The following SHB variants were observed in gnomAD, a reference collection of about 807,000 sequenced individuals.
SHB encodes SH2 domain-containing adapter protein B.
A neutral mutation model predicts 52.3 loss-of-function variants in SHB; 20 were observed. The observed-to-expected ratio is 0.38, with a 90% CI of 0.27 to 0.56. The LOEUF (loss-of-function observed/expected upper bound fraction) is 0.56, where lower values mean the gene tolerates loss of function less well. Among genes scored for constraint, SHB ranks in the 20% least tolerant of loss-of-function variants. The pLI is 0.71. For synonymous variants in SHB, 397 were observed against 316.5 expected, an observed-to-expected ratio of 1.25 and a Z score of -2.70; for missense variants, 825 against 723.3, an observed-to-expected ratio of 1.14 and a Z score of -1.61.
At chr9:37,969,839 A>G (rs554029915) in intron 3 of SHB, among the ~76,000 whole-genome samples, 3 of 152,210 alleles carry the variant, frequency 2.0e-5, no homozygotes, top group Non-Finnish European at 4.4e-5. Context: ...CCTTCCCAAC[A>G]TTGGGCAGGG....
intron 5 of SHB, 90 bp from the exon 6 acceptor site, chr9:37,920,094 T>C (rs1587189422): frequency 9.5e-7 from 1 of 1,052,460 alleles, no homozygotes. Flanking sequence ...ACAGAAGGGA[T>C]CCCAGCCATG....
At chr9:38,026,391 AC>A (rs1489160657) in intron 1 of SHB, among the ~76,000 whole-genome samples, 4 of 152,222 alleles carry the variant, frequency 2.6e-5, no homozygotes, top group African/African-American at 7.2e-5. Context: ...AGGCGCGGGA[AC>A]CCGCACTAAG....
At chr9:37,948,469 T>C (rs1292274580) in intron 5 of SHB, among the ~76,000 whole-genome samples, 166 bp downstream of exon 5, 2 of 152,186 alleles carry the variant, frequency 1.3e-5, no homozygotes, top group African/African-American at 4.8e-5. Context: ...AAAACTCCTC[T>C]GTATCCCAGG....
At chr9:38,044,364 C>T (rs538447495) in intron 1 of SHB, among the ~76,000 whole-genome samples, 2 of 152,298 alleles carry the variant, frequency 1.3e-5, no homozygotes, top group South Asian at 4.1e-4. Flanking sequence ...AGAAAAGTCT[C>T]TTTCTAATCT....
Position 37,972,958 on chromosome 9 carries a change from G to C in SHB, c.1054+1664C>G, listed in dbSNP as rs544198694. Among the ~76,000 whole-genome samples, 10 of 152,290 alleles carry C rather than the reference G, an allele frequency of 6.6e-5. No homozygotes were observed. The South Asian group carries it at 2.1e-3, about 32-fold the overall frequency. The stretch of plus-strand genomic sequence containing the variant: ...AGTTTCCCTTTATGATTGTCAGTGT[G>C]GTAGGAATTAAATGTCACTCACTGT... On this transcript the variant is annotated intron_variant, in intron 3 of 5. Coordinates refer to ENST00000377707, the MANE Select transcript of SHB (RefSeq NM_003028.3).
intron 2 of SHB, among the ~76,000 whole-genome samples, chr9:37,981,732 A>G (rs1271389586): frequency 6.6e-6 from 1 of 152,200 alleles, no homozygotes; most frequent in African/African-American, 2.4e-5. Context: ...TTGAACATGT[A>G]GAGGCCATTG....
chr9:38,051,882 C>T (rs941336979), intron 1 of SHB, among the ~76,000 whole-genome samples: 6 of 152,146 alleles, frequency 3.9e-5, no homozygotes, highest in Non-Finnish European at 8.8e-5. Context: ...TTCATCGTGG[C>T]TAACATTTCT....
chr9:37,969,830 C>G (rs1820571249), intron 3 of SHB, among the ~76,000 whole-genome samples: 1 of 152,258 alleles, frequency 6.6e-6, no homozygotes, highest in Non-Finnish European at 1.5e-5. Flanking sequence ...TCCTTGTCCC[C>G]TTCCCAACAT....
chr9:38,066,125 T>C (rs1007544123), intron 1 of SHB, among the ~76,000 whole-genome samples: 1 of 152,192 alleles, frequency 6.6e-6, no homozygotes, highest in Admixed American at 6.5e-5. Flanking sequence ...CCGTAAGAAA[T>C]ATCTGGTGAT....
chr9:38,022,646 G>A (rs1049538307), intron 1 of SHB, among the ~76,000 whole-genome samples: 4 of 152,174 alleles, frequency 2.6e-5, no homozygotes, highest in Admixed American at 6.5e-5. Context: ...AGGCCCTAGC[G>A]GGCCTGATGT....
At chr9:37,976,199 C>T (rs975356038) in intron 2 of SHB, among the ~76,000 whole-genome samples, 1 of 152,118 alleles carries the variant, frequency 6.6e-6, no homozygotes, top group Non-Finnish European at 1.5e-5. Flanking sequence ...CCACACCTGG[C>T]TAATTTTTGT....
At chr9:37,971,533 C>T (rs1162267247) in intron 3 of SHB, among the ~76,000 whole-genome samples, 1 of 152,172 alleles carries the variant, frequency 6.6e-6, no homozygotes. Context: ...AGTGAGATGG[C>T]CTCCTCCTTC....
chr9:37,942,248 TAC>T (rs1289734003), intron 5 of SHB, among the ~76,000 whole-genome samples: 1 of 152,220 alleles, frequency 6.6e-6, no homozygotes, highest in Non-Finnish European at 1.5e-5. Context: ...CTAAGCCGGA[TAC>T]AAATAGACGT....
intron 1 of SHB, among the ~76,000 whole-genome samples, chr9:38,067,181 G>C (rs1821980543): frequency 6.6e-6 from 1 of 152,202 alleles, no homozygotes; most frequent in Admixed American, 6.5e-5. Flanking sequence ...TTATGGGGTA[G>C]GGGTGAGGTC....
chr9:38,062,420 G>GCACGTGC (rs1821906717), intron 1 of SHB, among the ~76,000 whole-genome samples: 2 of 152,146 alleles, frequency 1.3e-5, no homozygotes, highest in Admixed American at 6.5e-5. Context: ...TTGAATTGTG[G>GCACGTGC]CTGGCCTTAT....
intron 5 of SHB, among the ~76,000 whole-genome samples, chr9:37,920,417 G>A (rs749355155): frequency 1.3e-5 from 2 of 152,224 alleles, no homozygotes; most frequent in Non-Finnish European, 2.9e-5. Flanking sequence ...TGTCCCCAAT[G>A]CCATGACAAG....
Position 37,947,316 on chromosome 9 carries a change from G to A in SHB, c.1346+1319C>T, listed in dbSNP as rs184087060. Among the ~76,000 whole-genome samples, 3 of 152,342 alleles carry A rather than the reference G, an allele frequency of 2.0e-5. No individual in the cohort carries two copies. In the East Asian group the frequency reaches 5.8e-4, roughly 29 times the overall value. ...TGGTCTTATTCCCCTAGTGATGACA[G>A]GCTCACTACCTTGAGGCAGCTTGGG... is the stretch of plus-strand genomic sequence containing the variant. On this transcript the variant is annotated intron_variant, in intron 5 of 5. Coordinates refer to ENST00000377707, the MANE Select transcript of SHB (RefSeq NM_003028.3).
At position 38,060,760 on chromosome 9, in the gene SHB, G is replaced by C. The variant is rs2118191665; in HGVS notation, c.717+7169C>G. Among the ~76,000 whole-genome samples the C allele has an allele frequency of 2.0e-5, 3 of 152,226 alleles. No homozygotes were observed. In the South Asian group the frequency reaches 6.2e-4, roughly 32 times the overall value. ...ATCTCCTGTGGCTCCATGAAATCAA[G>C]GCCCTGCCCAGAACAGTCTCTGTGC... On this transcript the variant is annotated intron_variant, in intron 1 of 5. Coordinates refer to ENST00000377707, the MANE Select transcript of SHB (RefSeq NM_003028.3).
chr9:38,058,976 C>T (rs373595125), intron 1 of SHB, among the ~76,000 whole-genome samples: 2 of 152,222 alleles, frequency 1.3e-5, no homozygotes, highest in Admixed American at 6.5e-5. Context: ...CCACCCCTGA[C>T]GTAACTGTAT....
Sources: allele counts gnomAD v4.1 joint callset (sites outside exome capture counted in the v4.1 genomes callset), GRCh38; gene constraint gnomAD v4.1.1; transcripts MANE v1.5; gene names NCBI Gene and HGNC (gene_info 2026-07-23, HGNC 2026-07-21).